The following TTC28 variants were observed in gnomAD, a reference collection of about 807,000 sequenced individuals.
TTC28 encodes tetratricopeptide repeat protein 28.
Under a neutral mutation model 198.0 loss-of-function variants are expected in TTC28, and 61 were observed. The observed-to-expected ratio is 0.31, with a 90% CI of 0.25 to 0.38. The LOEUF (loss-of-function observed/expected upper bound fraction) is 0.38, where lower values mean the gene tolerates loss of function less well. Among genes scored for constraint, TTC28 ranks in the 10% least tolerant of loss-of-function variants. The pLI is 1.00. For synonymous variants in TTC28, 1,171 were observed against 1,297.8 expected, an observed-to-expected ratio of 0.90 and a Z score of 2.10; for missense variants, 2,678 against 3,164.0, an observed-to-expected ratio of 0.85 and a Z score of 3.69.
intron 5 of TTC28, among the ~76,000 whole-genome samples, chr22:28,210,205 T>TG (rs1175902896): frequency 6.6e-6 from 1 of 152,138 alleles, no homozygotes; most frequent in Non-Finnish European, 1.5e-5. Context: ...GCAGAAAAGC[T>TG]GAAAATTCTA....
intron 2 of TTC28, among the ~76,000 whole-genome samples, chr22:28,514,170 A>G (rs1196195878): frequency 1.3e-5 from 2 of 152,222 alleles, no homozygotes; most frequent in African/African-American, 4.8e-5. Context: ...AACAGGAATC[A>G]ATTGCCTTAT....
intron 12 of TTC28, among the ~76,000 whole-genome samples, chr22:28,070,583 A>T (rs571738356): frequency 1.4e-4 from 22 of 152,172 alleles, no homozygotes; most frequent in Non-Finnish European, 2.8e-4. Context: ...GGAGTTTGAG[A>T]CCAGCCTGGG....
At chr22:28,435,763 A>G (rs1318076726) in intron 2 of TTC28, among the ~76,000 whole-genome samples, 1 of 152,208 alleles carries the variant, frequency 6.6e-6, no homozygotes, top group Non-Finnish European at 1.5e-5. Context: ...AACTATTCCC[A>G]TCTTCTCAAA....
chr22:28,635,722 T>C (rs562076798), intron 1 of TTC28, among the ~76,000 whole-genome samples: 2 of 152,300 alleles, frequency 1.3e-5, no homozygotes, highest in South Asian at 4.1e-4. Context: ...TAATGTGATG[T>C]TTTGATATAT....
intron 5 of TTC28, among the ~76,000 whole-genome samples, chr22:28,168,549 C>T (rs1362899302): frequency 6.6e-6 from 1 of 152,020 alleles, no homozygotes; most frequent in Admixed American, 6.5e-5. Context: ...TTTGACAAAC[C>T]TGACAAAAAC....
chr22:28,530,295 G>A (rs2049105000), intron 2 of TTC28, among the ~76,000 whole-genome samples: 1 of 152,156 alleles, frequency 6.6e-6, no homozygotes, highest in South Asian at 2.1e-4. Context: ...CGATCAAGTG[G>A]AAGAAAGGGT....
intron 2 of TTC28, among the ~76,000 whole-genome samples, chr22:28,464,353 A>G (rs2047990369): frequency 6.6e-6 from 1 of 152,248 alleles, no homozygotes; most frequent in Non-Finnish European, 1.5e-5. Flanking sequence ...GAATCTTCCC[A>G]GAAACAGGGA....
Position 28,096,178 on chromosome 22 carries a change from A to C in TTC28, c.3766+12T>G. 6.5e-7 allele frequency: 1 copy of C among 1,530,658 alleles called. No individual in the cohort carries two copies. The highest frequency in any genetic ancestry group is 1.4e-5 in the African/African-American group (1 of 72,662). 94.8% of individuals were successfully genotyped at this position (1,530,658 alleles called of 1,614,324 possible). The stretch of plus-strand genomic sequence containing the variant: ...CTTCTAATTGCCCTGTTCCCACAGA[A>C]AGAGATCTTACCTGCCCCAGGAGCC... On this transcript the variant is annotated intron_variant, in intron 11 of 22. Transcript: ENST00000397906.
chr22:28,450,994 G>A (rs2047770358), intron 2 of TTC28, among the ~76,000 whole-genome samples: 1 of 152,184 alleles, frequency 6.6e-6, no homozygotes, highest in African/African-American at 2.4e-5. Flanking sequence ...AGAAAACAGA[G>A]ATCAGTGTTT....
At chr22:28,352,945 GA>G (rs2046021809) in intron 2 of TTC28, among the ~76,000 whole-genome samples, 1 of 152,046 alleles carries the variant, frequency 6.6e-6, no homozygotes, top group African/African-American at 2.4e-5. Flanking sequence ...AGGCAGATTT[GA>G]AAAAAGAATC....
intron 3 of TTC28, among the ~76,000 whole-genome samples, chr22:28,302,860 C>T (rs953607220): frequency 2.0e-5 from 3 of 151,994 alleles, no homozygotes; most frequent in African/African-American, 7.3e-5. Context: ...CAGAAGGAAG[C>T]CTCCTGTGAA....
At chr22:28,026,669 T>G (rs964316917) in intron 13 of TTC28, among the ~76,000 whole-genome samples, 2 of 152,096 alleles carry the variant, frequency 1.3e-5, no homozygotes, top group African/African-American at 4.8e-5. Flanking sequence ...TAGAGGGAAG[T>G]TGTCTAGCAG....
chr22:28,291,880 T>C (rs908843350), intron 5 of TTC28, among the ~76,000 whole-genome samples: 4 of 152,066 alleles, frequency 2.6e-5, no homozygotes, highest in African/African-American at 9.7e-5. Flanking sequence ...TGAAGAAATG[T>C]GTTATAAGTG....
rs1937601487 is a variant in TTC28, at chr22:27,998,922, G to A, written c.4737C>T (p.Ile1579=). The A allele has an allele frequency of 6.4e-7, 1 of 1,550,812 alleles. No homozygotes were observed. Among genetic ancestry groups the A allele is most frequent in the Non-Finnish European group, 8.7e-7 (1 of 1,147,000 alleles). Residue 1579 remains isoleucine, a synonymous_variant, in exon 16 of 23, where the codon ATC becomes ATT. Coordinates refer to ENST00000397906, the MANE Select transcript of TTC28 (RefSeq NM_001145418.2). ...CGTCCTGCACCCGCAAGGACTCAGG[G>A]ATCGTGTAGGGGTGGCCGAAGGAGC... ...SKSSFGHPYT[I]PESLRVQDDA... is the part of the protein sequence containing the mutation.
At chr22:28,394,664 T>C (rs1433593806) in intron 2 of TTC28, among the ~76,000 whole-genome samples, 5 of 152,174 alleles carry the variant, frequency 3.3e-5, no homozygotes, top group Non-Finnish European at 7.3e-5. Flanking sequence ...CCAAAATGAA[T>C]TGAAAAGCTG....
At chr22:28,060,816 CTGT>C (rs1191713742) in intron 12 of TTC28, among the ~76,000 whole-genome samples, 5 of 151,808 alleles carry the variant, frequency 3.3e-5, no homozygotes, top group Non-Finnish European at 5.9e-5. Flanking sequence ...TCTCCAGCAC[CTGT>C]TGTTTACAGT....
rs149655220 is a variant in TTC28, at chr22:28,058,092, CT to C, written c.3933-27727del. Among the ~76,000 whole-genome samples the C allele has an allele frequency of 9.5e-3, 1,417 of 149,054 alleles. 21 individuals carry two copies. The highest frequency in any genetic ancestry group is 0.033 in the African/African-American group (1,338 of 40,716). On this transcript the variant is annotated intron_variant, in intron 12 of 22. Coordinates refer to ENST00000397906, the MANE Select transcript of TTC28 (RefSeq NM_001145418.2). Reference sequence around the variant, plus strand: ...TCTAGGTCAAATATCAGAAATGCTTCTTTTTTTTTTCCTTAAAGGACAGATA... The same window carrying C: ...TCTAGGTCAAATATCAGAAATGCTTCTTTTTTTTTCCTTAAAGGACAGATA...
chr22:28,035,584 G>C (rs1939305983), intron 12 of TTC28, among the ~76,000 whole-genome samples: 1 of 152,168 alleles, frequency 6.6e-6, no homozygotes, highest in South Asian at 2.1e-4. Context: ...ACAATACCAT[G>C]GGCACTTACT....
chr22:28,149,726 G>T (rs1370649632), intron 6 of TTC28, among the ~76,000 whole-genome samples: 3 of 152,154 alleles, frequency 2.0e-5, no homozygotes, highest in Non-Finnish European at 4.4e-5. Context: ...CAATAGAATG[G>T]TGGTTACTAG....
Sources: allele counts gnomAD v4.1 joint callset (sites outside exome capture counted in the v4.1 genomes callset), GRCh38; gene constraint gnomAD v4.1.1; transcripts MANE v1.5; gene names NCBI Gene and HGNC (gene_info 2026-07-23, HGNC 2026-07-21).